Variants in RBM6 observed in about 807,000 individuals in gnomAD.
RBM6 encodes the protein RNA binding motif protein 6.
A neutral mutation model predicts 140.4 loss-of-function variants in RBM6; 23 were observed. The observed-to-expected ratio is 0.16, with a 90% CI of 0.12 to 0.23. The LOEUF (loss-of-function observed/expected upper bound fraction) is 0.23, where lower values mean the gene tolerates loss of function less well. Among genes scored for constraint, RBM6 ranks in the 10% least tolerant of loss-of-function variants. RBM6 has a pLI of 1.00. For missense variants in RBM6, 1,139 were observed against 1,386.7 expected (o/e 0.82, Z 2.84); for synonymous variants, 439 against 475.6 (o/e 0.92, Z 1.00).
At chr3:50,030,695 T>G (rs532512760) in intron 6 of RBM6, among the ~76,000 whole-genome samples, 1 of 152,342 alleles carries the variant, frequency 6.6e-6, no homozygotes, top group South Asian at 2.1e-4. Context: ...GGCTTTCTTA[T>G]GGTGGTTTGG....
intron 1 of RBM6, among the ~76,000 whole-genome samples, chr3:49,945,196 T>TTTTG (rs2083435825): frequency 2.0e-5 from 3 of 146,954 alleles, no homozygotes; most frequent in Non-Finnish European, 3.0e-5. Context: ...TTTTTTTTTT[T>TTTTG]AGACAGGGTC....
In RBM6 at chr3:50,062,002, A is replaced by G; in HGVS notation, c.2480A>G (p.Glu827Gly). 6.2e-7 allele frequency: 1 copy of G among 1,614,076 alleles called. No individual in the cohort carries two copies. Among genetic ancestry groups the G allele is most frequent in the Non-Finnish European group, 8.5e-7 (1 of 1,179,992 alleles). Reference sequence around the variant, plus strand: ...CCCCAGGATCCTGGATTACCTGAGGAAGAAGAGATCAAGGAAAAAAAACCC... The same window carrying G: ...CCCCAGGATCCTGGATTACCTGAGGGAGAAGAGATCAAGGAAAAAAAACCC... ...YVPQDPGLPE[E>G]EEIKEKKPTS... Residue 827 changes from glutamate (E) to glycine (G), a missense_variant, in exon 15 of 21, where the codon GAA becomes GGA. By Grantham distance (98) the Glu-to-Gly change is moderately conservative. This residue lies in a region of RBM6 where 163 missense variants were observed against 182.8 expected (regional missense o/e 0.89). Transcript: ENST00000266022.
chr3:50,020,193 T>C (rs533648028), intron 6 of RBM6, among the ~76,000 whole-genome samples: 3 of 152,128 alleles, frequency 2.0e-5, no homozygotes, highest in African/African-American at 7.2e-5. Context: ...CCAATTTGTT[T>C]GGATTACAGG....
At chr3:49,987,150 G>T (rs547181785) in intron 5 of RBM6, among the ~76,000 whole-genome samples, 27 of 151,862 alleles carry the variant, frequency 1.8e-4, no homozygotes, top group Non-Finnish European at 1.5e-5. Context: ...TTGGCTCACT[G>T]CAACCTCTGC....
chr3:50,038,311 G>A (rs1043897989), intron 6 of RBM6, among the ~76,000 whole-genome samples: 1 of 152,146 alleles, frequency 6.6e-6, no homozygotes, highest in African/African-American at 2.4e-5. Flanking sequence ...TTAAGAAAAA[G>A]GAATAGTTTT....
intron 3 of RBM6, among the ~76,000 whole-genome samples, chr3:49,970,737 G>T (rs1009952619): frequency 6.6e-6 from 1 of 152,166 alleles, no homozygotes; most frequent in Non-Finnish European, 1.5e-5. Flanking sequence ...GCCTATGCTT[G>T]TAATTTCAGT....
intron 6 of RBM6, among the ~76,000 whole-genome samples, chr3:50,014,473 C>G (rs535807506): frequency 6.6e-6 from 1 of 152,280 alleles, no homozygotes; most frequent in African/African-American, 2.4e-5. Context: ...TGAGAGTTTT[C>G]AAAATAGATG....
Position 50,068,673 on chromosome 3 carries a change from A to G in RBM6, c.2944-17A>G. The G allele has an allele frequency of 6.2e-7, 1 of 1,612,220 alleles. No individual in the cohort carries two copies. Among genetic ancestry groups the G allele is most frequent in the Non-Finnish European group, 8.5e-7 (1 of 1,178,284 alleles). On this transcript the variant is annotated splice_polypyrimidine_tract_variant and intron_variant, in intron 17 of 20. Coordinates refer to ENST00000266022, the MANE Select transcript of RBM6 (RefSeq NM_005777.3). ...TGTTTCTTAGACCTATACTCATAGA[A>G]TTGCCTCTCTTCTCAGCAAAACCTG...
chr3:49,982,585 T>C (rs2085360939), intron 5 of RBM6, among the ~76,000 whole-genome samples: 1 of 151,764 alleles, frequency 6.6e-6, no homozygotes, highest in African/African-American at 2.4e-5. Context: ...CAGCTAATTT[T>C]TTGTATTTTT....
rs556242172 is a variant in RBM6 at position 49,978,881 on chromosome 3, T to G, written c.1483+3489T>G. ...CATTTACAAATACATTATAACCCCA[T>G]GAATTGTAAATTATCTTGAATTATA... On this transcript the variant is annotated intron_variant, in intron 5 of 20. Transcript: ENST00000266022. Among the ~76,000 whole-genome samples the G allele has an allele frequency of 1.1e-4, 17 of 152,336 alleles. No homozygotes were observed. In the South Asian group the frequency reaches 3.1e-3, roughly 28 times the overall value.
At chr3:50,067,371 A>G (rs1189651428) in intron 17 of RBM6, among the ~76,000 whole-genome samples, 1 of 152,140 alleles carries the variant, frequency 6.6e-6, no homozygotes. Context: ...GACTGTGGCT[A>G]GGGTGCCAAA....
At chr3:49,968,898 G>A (rs1284465320) in intron 3 of RBM6, 150 bp downstream of exon 3, 2 of 1,081,018 alleles carry the variant, frequency 1.9e-6, no homozygotes, top group East Asian at 2.7e-5. Context: ...TCCTGCCTCA[G>A]CCTCCTGAGT....
intron 1 of RBM6, among the ~76,000 whole-genome samples, chr3:49,945,199 A>G (rs1290790857): frequency 3.7e-5 from 5 of 135,366 alleles, no homozygotes; most frequent in African/African-American, 5.5e-5. Flanking sequence ...TTTTTTTTAG[A>G]CAGGGTCTTG....
At chr3:49,992,423 G>A (rs1449729652) in intron 5 of RBM6, among the ~76,000 whole-genome samples, 1 of 152,204 alleles carries the variant, frequency 6.6e-6, no homozygotes. Flanking sequence ...CAGGAAATTC[G>A]TACTGCCTTT....
At chr3:50,019,598 TC>T (rs1010907107) in intron 6 of RBM6, among the ~76,000 whole-genome samples, 21 of 151,912 alleles carry the variant, frequency 1.4e-4, no homozygotes, top group Admixed American at 1.2e-3. Context: ...CAGGTGATCC[TC>T]CCACCTCAGC....
chr3:49,956,912 G>A (rs868773643), intron 1 of RBM6, among the ~76,000 whole-genome samples: 1 of 152,062 alleles, frequency 6.6e-6, no homozygotes, highest in African/African-American at 2.4e-5. Context: ...TGATCCTCCC[G>A]CCTCGGCCTC....
chr3:49,982,262 CTTT>C (rs751604271), intron 5 of RBM6, among the ~76,000 whole-genome samples: 31 of 68,398 alleles, frequency 4.5e-4, no homozygotes, highest in African/African-American at 1.7e-3. Flanking sequence ...CTTTTCTTTT[CTTT>C]TTTTTTTTTT....
chr3:50,064,732 C>T (rs576705511), intron 15 of RBM6, among the ~76,000 whole-genome samples: 1 of 152,000 alleles, frequency 6.6e-6, no homozygotes, highest in Non-Finnish European at 1.5e-5. Flanking sequence ...GGCTGGAGCA[C>T]AGTGGCACAA....
At chr3:50,076,905 T>C in intron 20 of RBM6, 103 bp from the exon 21 acceptor site, 1 of 1,167,204 alleles carries the variant, frequency 8.6e-7, no homozygotes, top group Non-Finnish European at 1.2e-6. Context: ...AAAATTATCC[T>C]ATATACTGCT....
Sources: gnomAD v4.1 joint callset for allele counts (sites outside exome capture counted in the v4.1 genomes callset) on GRCh38, gnomAD v4.1.1 for gene constraint, gnomAD v4.1.1 regional missense constraint, MANE v1.5 for transcripts, NCBI Gene and HGNC (gene_info 2026-07-23, HGNC 2026-07-21) for gene names.